The following ACOT8 variants were observed in gnomAD, a reference collection of about 807,000 sequenced individuals.
ACOT8 encodes the protein acyl-coenzyme A thioesterase 8.
In ACOT8, 31 loss-of-function variants were observed where a neutral mutation model predicts 38.4. The observed-to-expected ratio is 0.81, with a 90% confidence interval of 0.61 to 1.09. The LOEUF (loss-of-function observed/expected upper bound fraction) is 1.09. ACOT8 is among the 50% of genes least tolerant of loss of function. The probability of loss-of-function intolerance (pLI) is 0.00; values close to 1 mark genes in which losing one functional copy is unlikely to be tolerated. For synonymous variants in ACOT8, 158 were observed against 170.3 expected (o/e 0.93, Z 0.56); for missense variants, 373 against 421.8 (o/e 0.88, Z 1.01).
chr20:45,849,304 A>G (rs1984905361), intron 2 of ACOT8, among the ~76,000 whole-genome samples: 1 of 152,084 alleles, frequency 6.6e-6, no homozygotes, highest in South Asian at 2.1e-4. Context: ...TGTTTGTTTG[A>G]GATGGAGTCT....
chr20:45,843,354 T>C lies in ACOT8; in HGVS notation c.841+173A>G, dbSNP rs78931499. The C allele has an allele frequency of 4.9e-3, 4,265 of 873,336 alleles. 126 individuals are homozygous for C. The African/African-American group carries it at 0.061, about 12-fold the overall frequency. 54.1% of individuals were successfully genotyped at this position (873,336 alleles called of 1,614,324 possible). On this transcript the variant is annotated intron_variant, in intron 5 of 5. Transcript: ENST00000217455. ...TTCTAGAAATTTAGAGCAGAGCAGG[T>C]GTCCCGGCCTCACCCTCTCATTTTG...
chr20:45,848,553 G>T lies in ACOT8; in HGVS notation c.385C>A (p.Gln129Lys), dbSNP rs1206483851. 1 of 1,614,142 alleles carries T rather than the reference G, an allele frequency of 6.2e-7. No homozygotes were observed. Residue 129 changes from glutamine (Q) to lysine (K), a missense_variant, in exon 3 of 6, where the codon CAG becomes AAG. By Grantham distance (53) the Gln-to-Lys change is moderately conservative. Coordinates refer to ENST00000217455, the MANE Select transcript of ACOT8 (RefSeq NM_005469.4). ...KPIFICQASF[Q>K]QAQPSPMQHQ... ...TGCATGGGGCTGGGCTGGGCCTGCT[G>T]GAAGGAGGCCTGGCAGATGAAGATG...
chr20:45,857,331 A>T lies in ACOT8; in HGVS notation c.-16T>A, dbSNP rs1985529989. On this transcript the variant is annotated 5_prime_UTR_variant, in exon 1 of 6. Transcript: ENST00000217455. ...GGGACGACATCTAGTTCAATGCTGC[A>T]GGCCCTGCACACCCGCTCCGCGGAA... The T allele has an allele frequency of 6.3e-7, 1 of 1,589,554 alleles. No homozygotes were observed. The highest frequency in any genetic ancestry group is 1.1e-5 in the South Asian group (1 of 88,246).
chr20:45,854,880 G>A (rs1318207360), intron 2 of ACOT8, among the ~76,000 whole-genome samples: 2 of 152,134 alleles, frequency 1.3e-5, no homozygotes, highest in East Asian at 3.8e-4. Context: ...TGTTAAGAAT[G>A]GAAGAACAAA....
In ACOT8 at chr20:45,855,192, CG is replaced by C. The variant is rs1363770769; in HGVS notation, c.228del (p.His76GlnfsTer37). The C allele has an allele frequency of 6.2e-7, 1 of 1,614,022 alleles. No individual in the cohort carries two copies. Among genetic ancestry groups the C allele is most frequent in the Non-Finnish European group, 8.5e-7 (1 of 1,180,032 alleles). On this transcript the variant is annotated frameshift_variant, in exon 2 of 6. Coordinates refer to ENST00000217455, the MANE Select transcript of ACOT8 (RefSeq NM_005469.4). LOFTEE classifies it high-confidence loss of function. ...ACAAAGTAGCAGTGCAGGGAGTGCA[CG>C]TGGACGTCTTCACTCACAGACTTGG... ...AAAKSVSEDV[H>X]VHSLHCYFVR...
At chr20:45,848,889 C>A (rs73291275) in intron 2 of ACOT8, 13,501 of 460,962 alleles carry the variant, frequency 0.029, 1,503 homozygotes, top group African/African-American at 0.24. Context: ...GCACAAACAG[C>A]AGAGACATTG....
chr20:45,856,808 G>C (rs780430386), intron 1 of ACOT8, among the ~76,000 whole-genome samples: 1 of 152,250 alleles, frequency 6.6e-6, no homozygotes, highest in Admixed American at 6.5e-5. Flanking sequence ...GCGGGATATT[G>C]TGAGAAGAAA....
At chr20:45,856,525 G>C (rs1427761587) in intron 1 of ACOT8, among the ~76,000 whole-genome samples, 1 of 152,102 alleles carries the variant, frequency 6.6e-6, no homozygotes, top group Non-Finnish European at 1.5e-5. Context: ...ACTAAAAGAA[G>C]TTAAAAAATT....
At chr20:45,843,975 TC>T in intron 4 of ACOT8, 1 of 812,788 alleles carries the variant, frequency 1.2e-6, no homozygotes, top group Non-Finnish European at 1.9e-6. Context: ...GGTGTCTTCT[TC>T]CAATTTGCAC....
At chr20:45,842,086 C>A in intron 5 of ACOT8, 130 bp from the exon 6 acceptor site, 1 of 1,538,424 alleles carries the variant, frequency 6.5e-7, no homozygotes. Context: ...AGGGATCCTC[C>A]CGCCTCAGCC....
intron 2 of ACOT8, chr20:45,853,728 C>T (rs1985205525): frequency 3.4e-6 from 1 of 292,850 alleles, no homozygotes; most frequent in East Asian, 9.4e-5. Flanking sequence ...CCTGGCTGAG[C>T]CCAAGGTAAG....
At chr20:45,853,810 G>A (rs1601100983) in intron 2 of ACOT8, 2 of 762,642 alleles carry the variant, frequency 2.6e-6, no homozygotes, top group Non-Finnish European at 4.0e-6. Flanking sequence ...CAGGGATGAG[G>A]AGTAAGAGAC....
At chr20:45,843,925 G>A in intron 4 of ACOT8, 1 of 1,093,262 alleles carries the variant, frequency 9.1e-7, no homozygotes, top group East Asian at 2.6e-5. Flanking sequence ...CTGAAATTCA[G>A]TCTTCACCAC....
intron 4 of ACOT8, chr20:45,843,998 A>C (rs1984476976): frequency 1.3e-6 from 1 of 789,198 alleles, no homozygotes; most frequent in Admixed American, 2.8e-5. Flanking sequence ...AAGATACTTT[A>C]TAGTTAGCAG....
At chr20:45,855,055 T>C (rs988713170) in intron 2 of ACOT8, 104 bp downstream of exon 2, 2 of 1,504,506 alleles carry the variant, frequency 1.3e-6, no homozygotes, top group Middle Eastern at 2.4e-4. Context: ...ACCCCTCCCC[T>C]TGTCTTCCAG....
At chr20:45,845,837 G>GTTT (rs901449285) in intron 3 of ACOT8, among the ~76,000 whole-genome samples, 3 of 127,332 alleles carry the variant, frequency 2.4e-5, no homozygotes, top group Non-Finnish European at 4.6e-5. Context: ...GTTTTTTTTT[G>GTTT]TTTTTTTTTT....
intron 5 of ACOT8, chr20:45,842,414 T>G: frequency 8.6e-7 from 1 of 1,166,010 alleles, no homozygotes; most frequent in Non-Finnish European, 1.1e-6. Flanking sequence ...TGACCACTTG[T>G]GTTAGGAAAA....
At chr20:45,854,359 A>G (rs1300215803) in intron 2 of ACOT8, among the ~76,000 whole-genome samples, 5 of 145,026 alleles carry the variant, frequency 3.4e-5, no homozygotes, top group Non-Finnish European at 4.7e-5. Context: ...ACAGGCACCC[A>G]CCACCACACC....
chr20:45,843,851 AGT>A (rs34074697), intron 4 of ACOT8, 130 bp from the exon 5 acceptor site: 178 of 1,452,484 alleles, frequency 1.2e-4, no homozygotes, highest in Admixed American at 1.7e-4. Flanking sequence ...CTTGGCCTAC[AGT>A]GTGTGTGTGT....
Sources: gnomAD v4.1 joint callset for allele counts (sites outside exome capture counted in the v4.1 genomes callset) on GRCh38, gnomAD v4.1.1 for gene constraint, MANE v1.5 for transcripts, NCBI Gene and HGNC (gene_info 2026-07-23, HGNC 2026-07-21) for gene names.